Variants in PPP2R2D observed in about 807,000 individuals in gnomAD.
PPP2R2D encodes the protein serine/threonine-protein phosphatase 2A 55 kDa regulatory subunit B delta isoform.
In PPP2R2D, 9 loss-of-function variants were observed where a neutral mutation model predicts 31.1. The ratio of observed to expected loss-of-function variants is 0.29; its 90% CI spans 0.17 to 0.51. The LOEUF (loss-of-function observed/expected upper bound fraction) is 0.51, where lower values mean the gene tolerates loss of function less well. PPP2R2D is among the 20% of genes least tolerant of loss of function. The pLI is 0.98. For missense variants in PPP2R2D, 391 were observed against 465.6 expected, an observed-to-expected ratio of 0.84 and a Z score of 1.48; for synonymous variants, 179 against 172.6, an observed-to-expected ratio of 1.04 and a Z score of -0.29.
intron 2 of PPP2R2D, among the ~76,000 whole-genome samples, chr10:131,926,490 A>G (rs189723610): frequency 6.6e-6 from 1 of 152,278 alleles, no homozygotes; most frequent in African/African-American, 2.4e-5. Context: ...CAGCCTGGAC[A>G]ACATAGTGAG....
At chr10:131,936,851 G>A (rs1409251178) in intron 3 of PPP2R2D, among the ~76,000 whole-genome samples, 1 of 152,190 alleles carries the variant, frequency 6.6e-6, no homozygotes, top group African/African-American at 2.4e-5. Context: ...TTCGGTTCAC[G>A]TCTGAAAGGC....
chr10:131,922,648 A>G (rs924155247), intron 2 of PPP2R2D, among the ~76,000 whole-genome samples: 2 of 151,848 alleles, frequency 1.3e-5, no homozygotes, highest in Non-Finnish European at 2.9e-5. Context: ...GAGTTTCTCT[A>G]TGTTGGCCAG....
chr10:131,970,820 T>TC, the PPP2R2D span: 1 of 1,614,222 alleles, frequency 6.2e-7, no homozygotes, highest in Non-Finnish European at 8.5e-7. This position sits in a 1 kb window ranked among gnomAD's most constrained non-coding sequence, Gnocchi z 4.1. Context: ...AGCTGATGTG[T>TC]CCTCTGTCAA....
In PPP2R2D at chr10:131,955,968, G is replaced by A. The variant is rs184828514; in HGVS notation, c.*5G>A. Reference sequence around the variant, plus strand: ...TTCCAGGACAAAATCAACTAGAGACGCGAACGTGAGGACCAAGTCTTGTCT... The same window carrying A: ...TTCCAGGACAAAATCAACTAGAGACACGAACGTGAGGACCAAGTCTTGTCT... On this transcript the variant is annotated 3_prime_UTR_variant, in exon 9 of 9. Transcript: ENST00000455566. The A allele has an allele frequency of 1.6e-4, 243 of 1,491,786 alleles. No individual in the cohort carries two copies. In the African/African-American group the frequency reaches 2.6e-3, roughly 16 times the overall value. The allele number at this position is 1,491,786 out of a possible 1,614,324, so 92.4% of individuals were successfully genotyped here. A position where few individuals can be genotyped will look rare whatever the true frequency, so the allele number is the denominator to read the frequency against.
In PPP2R2D at chr10:131,903,168, C is replaced by T. The variant is rs2035528759; in HGVS notation, c.100+1838C>T. ...TACACATATGAAAATAGTATTCTTT[C>T]TTTAAAAAAAATCTTGGGCCGGGTG... On this transcript the variant is annotated intron_variant, in intron 2 of 8. Coordinates refer to ENST00000455566, the MANE Select transcript of PPP2R2D (RefSeq NM_018461.5). 2.0e-5 allele frequency among the ~76,000 whole-genome samples: 3 copies of T among 152,030 alleles called. No individual in the cohort carries two copies. The South Asian group carries it at 6.2e-4, about 32-fold the overall frequency.
At chr10:131,902,462 C>T (rs1365505604) in intron 2 of PPP2R2D, among the ~76,000 whole-genome samples, 2 of 152,194 alleles carry the variant, frequency 1.3e-5, no homozygotes, top group East Asian at 1.9e-4. Flanking sequence ...GGAGATTCTG[C>T]GCCCCCTGGG....
intron 2 of PPP2R2D, among the ~76,000 whole-genome samples, chr10:131,931,207 G>T (rs924591115): frequency 6.6e-6 from 1 of 152,212 alleles, no homozygotes. Flanking sequence ...GGGCTTGTGC[G>T]TGGTTAGGAT....
At chr10:131,930,905 C>T (rs1209007600) in intron 2 of PPP2R2D, among the ~76,000 whole-genome samples, 2 of 152,214 alleles carry the variant, frequency 1.3e-5, no homozygotes, top group African/African-American at 4.8e-5. Flanking sequence ...TCTTTCCACT[C>T]TGCCCTTTGG....
intron 5 of PPP2R2D, among the ~76,000 whole-genome samples, chr10:131,943,715 C>CAGCT (rs2036483010): frequency 6.6e-6 from 1 of 152,210 alleles, no homozygotes; most frequent in Admixed American, 6.5e-5. Context: ...GTTACCCTGC[C>CAGCT]AGCTGATCTT....
At chr10:131,914,704 A>G (rs948479128) in intron 2 of PPP2R2D, among the ~76,000 whole-genome samples, 14 of 152,232 alleles carry the variant, frequency 9.2e-5, no homozygotes, top group African/African-American at 3.4e-4. Context: ...CAGCTTTTGC[A>G]GAAGAACGGT....
Position 131,955,727 on chromosome 10 carries a change from G to T in PPP2R2D, c.1126G>T (p.Asp376Tyr). 2 of 1,504,084 alleles carry T rather than the reference G, an allele frequency of 1.3e-6. No individual in the cohort carries two copies. The highest frequency in any genetic ancestry group is 1.4e-5 in the South Asian group (1 of 72,758). 93.2% of individuals were successfully genotyped at this position (1,504,084 alleles called of 1,614,324 possible). Residue 376 changes from aspartate to tyrosine, a missense_variant, in exon 9 of 9, where the codon GAT becomes TAT. Asp to Tyr is a radical substitution (Grantham distance 160). Transcript: ENST00000455566. ...GSYNNFFRMFDRDTRRDVTLE... is the reference protein window; with the variant it reads ...GSYNNFFRMFYRDTRRDVTLE... ...CTATAACAACTTCTTCAGGATGTTT[G>T]ATAGAGACACGCGGAGGGATGTGAC...
intron 2 of PPP2R2D, among the ~76,000 whole-genome samples, chr10:131,931,011 T>G (rs1554895604): frequency 6.6e-6 from 1 of 152,236 alleles, no homozygotes; most frequent in Non-Finnish European, 1.5e-5. Context: ...CTTCCTCTCC[T>G]GGGGGCCCCA....
intron 2 of PPP2R2D, among the ~76,000 whole-genome samples, chr10:131,901,990 T>C (rs1161358927): frequency 2.6e-5 from 4 of 152,232 alleles, no homozygotes; most frequent in African/African-American, 7.2e-5. Flanking sequence ...TGAAGTTCAC[T>C]GGTCTTTTCC....
At chr10:131,953,658 T>G (rs1200709585) in intron 8 of PPP2R2D, among the ~76,000 whole-genome samples, 8 of 132,574 alleles carry the variant, frequency 6.0e-5, no homozygotes, top group Non-Finnish European at 1.1e-4. Flanking sequence ...TCTTAGTGAC[T>G]TCCAAGTGTG....
chr10:131,915,987 G>A (rs1192979858), intron 2 of PPP2R2D, among the ~76,000 whole-genome samples: 2 of 152,194 alleles, frequency 1.3e-5, no homozygotes, highest in African/African-American at 2.4e-5. Context: ...GTAGTAAAAG[G>A]CGTAATCTAT....
downstream of PPP2R2D, among the ~76,000 whole-genome samples, chr10:131,961,357 CCACAGGG>C (rs1390027402): frequency 1.3e-5 from 2 of 152,272 alleles, no homozygotes; most frequent in East Asian, 3.9e-4. Flanking sequence ...ACCCCCAGCC[CCACAGGG>C]CTGTCACAGC....
chr10:131,913,956 T>A (rs2035727792), intron 2 of PPP2R2D, among the ~76,000 whole-genome samples: 1 of 152,270 alleles, frequency 6.6e-6, no homozygotes, highest in African/African-American at 2.4e-5. Flanking sequence ...AGACACAGGC[T>A]GTGCTGATCT....
At chr10:131,931,239 A>G (rs1441241430) in intron 2 of PPP2R2D, among the ~76,000 whole-genome samples, 1 of 152,228 alleles carries the variant, frequency 6.6e-6, no homozygotes, top group Non-Finnish European at 1.5e-5. Flanking sequence ...CCTAGTAAGC[A>G]TTCAGCCAAA....
chr10:131,904,079 C>G (rs910450501), intron 2 of PPP2R2D, among the ~76,000 whole-genome samples: 2 of 151,996 alleles, frequency 1.3e-5, no homozygotes, highest in African/African-American at 4.8e-5. Context: ...CAGGGCCGGC[C>G]TGTAATTCCA....
Sources: allele counts gnomAD v4.1 joint callset (sites outside exome capture counted in the v4.1 genomes callset), GRCh38; gene constraint gnomAD v4.1.1; non-coding constraint Gnocchi (gnomAD v3.1); transcripts MANE v1.5; gene names NCBI Gene and HGNC (gene_info 2026-07-23, HGNC 2026-07-21).